PCDH7: variants seen among roughly 807,000 people sequenced by gnomAD.
The protein encoded by PCDH7 is protocadherin-7.
Under a neutral mutation model 58.9 loss-of-function variants are expected in PCDH7, and 17 were observed. That is an observed-to-expected ratio of 0.29 (90% CI 0.20 to 0.43). The LOEUF is 0.43. Ranked by LOEUF, PCDH7 falls within the 20% of genes least tolerant of loss-of-function variation. The pLI is 1.00. For missense variants in PCDH7, 1,274 were observed against 1,441.0 expected (o/e 0.88, Z 1.88); for synonymous variants, 664 against 616.4 (o/e 1.08, Z -1.14).
intron 3 of PCDH7, among the ~76,000 whole-genome samples, chr4:31,122,092 C>T (rs980622961): frequency 1.3e-5 from 2 of 151,938 alleles, no homozygotes; most frequent in East Asian, 1.9e-4. Context: ...CTGGACACAC[C>T]GTGAGCAGCA....
Position 30,721,402 on chromosome 4 carries a change from T to TAG in PCDH7, c.-20_-19dup. The TAG allele has an allele frequency of 6.8e-7, 1 of 1,472,256 alleles. No homozygotes were observed. The highest frequency in any genetic ancestry group is 9.0e-7 in the Non-Finnish European group (1 of 1,113,624). The allele number at this position is 1,472,256 out of a possible 1,614,324, so 91.2% of individuals were successfully genotyped here. A position where few individuals can be genotyped will look rare whatever the true frequency, so the allele number is the denominator to read the frequency against. ...AGGGGGCTGTGGTTAGAAGGAGCAG[T>TAG]AGCAGCAGCAGCAGGAGAAGATGCT... On this transcript the variant is annotated 5_prime_UTR_variant, in exon 1 of 2. Transcript: ENST00000361762. The surrounding 1 kb of genome is among the most constrained non-coding windows in gnomAD (Gnocchi z 6.7).
intron 1 of PCDH7, among the ~76,000 whole-genome samples, chr4:30,915,453 T>C (rs916407583): frequency 6.6e-6 from 1 of 152,156 alleles, no homozygotes; most frequent in African/African-American, 2.4e-5. Flanking sequence ...GGATTGCCTT[T>C]CTGGAAATGT....
intron 1 of PCDH7, among the ~76,000 whole-genome samples, chr4:30,916,743 A>T (rs1053633829): frequency 6.6e-6 from 1 of 152,152 alleles, no homozygotes. Context: ...AGAACCAGCT[A>T]ATTGCCTGGA....
chr4:30,941,282 T>G (rs1234551680), intron 2 of PCDH7, among the ~76,000 whole-genome samples: 1 of 151,982 alleles, frequency 6.6e-6, no homozygotes, highest in Non-Finnish European at 1.5e-5. Context: ...TAACCATTCC[T>G]TGAAGTTTAA....
chr4:31,022,445 C>A (rs922639368), intron 3 of PCDH7, among the ~76,000 whole-genome samples: 1 of 152,050 alleles, frequency 6.6e-6, no homozygotes, highest in African/African-American at 2.4e-5. Context: ...GGTAATGAGG[C>A]AAAACATTTT....
chr4:30,839,204 C>T (rs553767568), intron 1 of PCDH7, among the ~76,000 whole-genome samples: 22 of 151,734 alleles, frequency 1.4e-4, no homozygotes, highest in Non-Finnish European at 2.4e-4. Flanking sequence ...TGTACATAAC[C>T]AATTAATAAT....
At chr4:31,109,219 G>T (rs1466916063) in intron 3 of PCDH7, among the ~76,000 whole-genome samples, 3 of 152,118 alleles carry the variant, frequency 2.0e-5, no homozygotes, top group African/African-American at 7.2e-5. Context: ...CCATGTGAGG[G>T]GAAAAACTGC....
intron 1 of PCDH7, among the ~76,000 whole-genome samples, chr4:30,903,386 C>T (rs1040373140): frequency 6.6e-6 from 1 of 151,780 alleles, no homozygotes; most frequent in Non-Finnish European, 1.5e-5. Context: ...AAAATAAAGA[C>T]GTTTATTATC....
intron 3 of PCDH7, among the ~76,000 whole-genome samples, chr4:31,042,966 A>G (rs60468790): frequency 0.093 from 14,206 of 152,120 alleles, 1,016 homozygotes; most frequent in East Asian, 0.23. Flanking sequence ...ACAGGGTATC[A>G]CATTCTGAGG....
At chr4:30,980,595 C>A (rs1425266775) in intron 3 of PCDH7, among the ~76,000 whole-genome samples, 5 of 152,016 alleles carry the variant, frequency 3.3e-5, no homozygotes, top group Non-Finnish European at 7.4e-5. Flanking sequence ...AAACACAAGG[C>A]TCACAAAGAA....
chr4:30,874,311 A>G (rs1736000642), intron 1 of PCDH7, among the ~76,000 whole-genome samples: 1 of 152,062 alleles, frequency 6.6e-6, no homozygotes, highest in African/African-American at 2.4e-5. Flanking sequence ...TCCAACAATG[A>G]TAGACTGGAT....
chr4:30,959,882 T>TG (rs962977274), intron 3 of PCDH7, among the ~76,000 whole-genome samples: 16 of 152,178 alleles, frequency 1.1e-4, no homozygotes, highest in African/African-American at 3.9e-4. Context: ...AAGTCCTAAA[T>TG]GAAAGAGGAT....
chr4:31,097,611 T>TATATATATATAG (rs1714252999), intron 3 of PCDH7, among the ~76,000 whole-genome samples: 1 of 33,514 alleles, frequency 3.0e-5, no homozygotes, highest in East Asian at 4.2e-3. Context: ...TATATATATA[T>TATATATATATAG]ATATATATAT....
intron 1 of PCDH7, among the ~76,000 whole-genome samples, chr4:30,852,052 C>A (rs1431801155): frequency 6.6e-6 from 1 of 152,036 alleles, no homozygotes. Context: ...ATTTAATGTT[C>A]TGTGCTATCT....
intron 3 of PCDH7, among the ~76,000 whole-genome samples, chr4:31,068,078 C>T (rs912379100): frequency 4.6e-5 from 7 of 151,884 alleles, no homozygotes; most frequent in African/African-American, 1.7e-4. Context: ...GATGCAGACA[C>T]GAAATTCCAA....
intron 3 of PCDH7, among the ~76,000 whole-genome samples, chr4:31,021,995 A>C (rs1382517171): frequency 6.6e-6 from 1 of 152,238 alleles, no homozygotes; most frequent in African/African-American, 2.4e-5. Flanking sequence ...AGGCAACTTA[A>C]CACAGCTTAT....
chr4:31,043,846 G>A (rs565164079), intron 3 of PCDH7, among the ~76,000 whole-genome samples: 1 of 152,246 alleles, frequency 6.6e-6, no homozygotes, highest in Admixed American at 6.5e-5. Context: ...ATGAGGCTGA[G>A]CAGTTACTGA....
chr4:31,067,700 GTTCA>G (rs769095340), intron 3 of PCDH7, among the ~76,000 whole-genome samples: 4 of 151,964 alleles, frequency 2.6e-5, no homozygotes, highest in Non-Finnish European at 4.4e-5. Context: ...TACCAGCTTA[GTTCA>G]TTCATTTATG....
intron 3 of PCDH7, among the ~76,000 whole-genome samples, chr4:31,012,230 A>C (rs1463494933): frequency 1.3e-5 from 2 of 152,166 alleles, no homozygotes; most frequent in Non-Finnish European, 2.9e-5. Flanking sequence ...ATCGGTCAGT[A>C]CACCGAAACA....
Sources: gnomAD v4.1 joint callset for allele counts (sites outside exome capture counted in the v4.1 genomes callset) on GRCh38, gnomAD v4.1.1 for gene constraint, Gnocchi (gnomAD v3.1) non-coding constraint, MANE v1.5 for transcripts, NCBI Gene and HGNC (gene_info 2026-07-23, HGNC 2026-07-21) for gene names.